The following PKD2L2 variants were observed in gnomAD, a reference collection of about 807,000 sequenced individuals.
The protein encoded by PKD2L2 is polycystin 2 like 2, transient receptor potential cation channel.
PKD2L2 carries 67 observed loss-of-function variants against 83.9 expected under a neutral mutation model. That is an observed-to-expected ratio of 0.80 (90% CI 0.66 to 0.98). The LOEUF (loss-of-function observed/expected upper bound fraction) is 0.98. Ranked by LOEUF, PKD2L2 falls within the 50% of genes least tolerant of loss-of-function variation. The pLI is 0.00. For synonymous variants in PKD2L2, 223 were observed against 237.8 expected (o/e 0.94, Z 0.57); for missense variants, 632 against 717.2 (o/e 0.88, Z 1.36).
rs982480498 is a variant in PKD2L2 at position 137,937,311 on chromosome 5, C to T, written c.*17+884C>T. Among the ~76,000 whole-genome samples, 3 of 152,280 alleles carry T rather than the reference C, an allele frequency of 2.0e-5. No individual in the cohort carries two copies. The East Asian group carries it at 5.8e-4, about 29-fold the overall frequency. ...CTTCAAACTGGAAATTTACCTAGAC[C>T]ATTTCTAAGGTGTAATGCATTTAAG... On this transcript the variant is annotated intron_variant, in intron 14 of 14. Transcript: ENST00000508883.
chr5:137,913,818 G>A (rs905652979), intron 8 of PKD2L2, among the ~76,000 whole-genome samples: 2 of 150,948 alleles, frequency 1.3e-5, no homozygotes, highest in African/African-American at 4.9e-5. Context: ...AAGTAACTGG[G>A]ATTAAAGGCG....
At chr5:137,926,029 C>G (rs1414132202) in intron 12 of PKD2L2, 100 bp downstream of exon 12, 2 of 636,380 alleles carry the variant, frequency 3.1e-6, no homozygotes, top group Non-Finnish European at 2.8e-6. Context: ...TGCTGTTTTT[C>G]AGAATAGTAA....
At position 137,918,513 on chromosome 5, in the gene PKD2L2, C is replaced by T. The variant is rs1202347822; in HGVS notation, c.1329-3123C>T. Among the ~76,000 whole-genome samples, 3 of 152,300 alleles carry T rather than the reference C, an allele frequency of 2.0e-5. No homozygotes were observed. The East Asian group carries it at 5.8e-4, about 29-fold the overall frequency. Reference sequence around the variant, plus strand: ...GATCAGAAGCAGCAATCAGCAATCACCACATAGATCCCCAATATTTGAAAG... The same window carrying T: ...GATCAGAAGCAGCAATCAGCAATCATCACATAGATCCCCAATATTTGAAAG... On this transcript the variant is annotated intron_variant, in intron 8 of 14. Transcript: ENST00000508883.
At chr5:137,940,253 C>T (rs770467626) in intron 14 of PKD2L2, 1 of 1,613,896 alleles carries the variant, frequency 6.2e-7, no homozygotes, top group Non-Finnish European at 8.5e-7. Context: ...ATCTTGTTTG[C>T]TTATAAGAAC....
Position 137,899,534 on chromosome 5 carries a change from T to C in PKD2L2, c.543T>C (p.Ser181=). The C allele has an allele frequency of 6.2e-7, 1 of 1,602,964 alleles. No homozygotes were observed. Among genetic ancestry groups the C allele is most frequent in the Non-Finnish European group, 8.5e-7 (1 of 1,169,970 alleles). ...GTAACAGATGGAGATATTCTACTTC[T>C]AATACCAACTCCCCTTGGCACTGGG... is the stretch of plus-strand genomic sequence containing the variant. ...QINTEWRYST[S]NTNSPWHWGF... is the part of the protein sequence containing the mutation. The change falls in exon 5 of 15, where the codon TCT becomes TCC. Residue 181 remains serine (S), a synonymous_variant. Coordinates refer to ENST00000508883, the MANE Select transcript of PKD2L2 (RefSeq NM_001300921.2).
rs377038318 is a variant in PKD2L2, at chr5:137,941,981, G to A, written c.*18-403G>A. ...TGATAAAATGCTTCTTCAAATTCCC[G>A]CAACGTTTTGCGTAGTTTCTTTTTT... On this transcript the variant is annotated intron_variant, in intron 14 of 14. Transcript: ENST00000508883. The A allele has an allele frequency of 3.1e-6, 5 of 1,613,898 alleles. No homozygotes were observed. The African/African-American group carries it at 4.0e-5, about 13-fold the overall frequency.
chr5:137,927,108 T>C (rs1245713068), intron 12 of PKD2L2, among the ~76,000 whole-genome samples: 2 of 152,192 alleles, frequency 1.3e-5, no homozygotes, highest in African/African-American at 4.8e-5. Flanking sequence ...ACCCATTGAA[T>C]AAAAGGATTC....
chr5:137,913,910 C>G (rs1319765486), intron 8 of PKD2L2, among the ~76,000 whole-genome samples: 1 of 147,690 alleles, frequency 6.8e-6, no homozygotes, highest in Admixed American at 6.8e-5. Context: ...CTCTGTCACT[C>G]AGGCTGGAGT....
chr5:137,940,945 G>T (rs972223683), intron 14 of PKD2L2, among the ~76,000 whole-genome samples: 1 of 151,998 alleles, frequency 6.6e-6, no homozygotes, highest in African/African-American at 2.4e-5. Flanking sequence ...TTGCTCTGTC[G>T]CCCAGGCTGG....
intron 5 of PKD2L2, among the ~76,000 whole-genome samples, chr5:137,904,537 A>G (rs1027049711): frequency 7.9e-5 from 12 of 152,202 alleles, no homozygotes; most frequent in Admixed American, 2.0e-4. Context: ...CAAATACTGC[A>G]TGTTCTCATA....
intron 12 of PKD2L2, among the ~76,000 whole-genome samples, chr5:137,935,590 C>A (rs1760261816): frequency 6.6e-6 from 1 of 152,190 alleles, no homozygotes; most frequent in South Asian, 2.1e-4. Flanking sequence ...CTATGCTAGA[C>A]AGCAATTACA....
chr5:137,928,566 G>A (rs1759575163), intron 12 of PKD2L2, among the ~76,000 whole-genome samples: 1 of 152,100 alleles, frequency 6.6e-6, no homozygotes, highest in Admixed American at 6.5e-5. Context: ...CAAGTAGCTG[G>A]GACTACAGGC....
chr5:137,904,937 C>T (rs1164457541), intron 5 of PKD2L2, among the ~76,000 whole-genome samples: 1 of 152,096 alleles, frequency 6.6e-6, no homozygotes, highest in African/African-American at 2.4e-5. Context: ...AAATAAACTG[C>T]CTTAAGCAGC....
In PKD2L2 at chr5:137,925,108, A is replaced by T. The variant is rs1458411014; in HGVS notation, c.1616+4A>T. 6.4e-7 allele frequency: 1 copy of T among 1,560,242 alleles called. No homozygotes were observed. The highest frequency in any genetic ancestry group is 1.4e-5 in the African/African-American group (1 of 73,872). On this transcript the variant is annotated splice_donor_region_variant and intron_variant, in intron 11 of 14. Coordinates refer to ENST00000508883, the MANE Select transcript of PKD2L2 (RefSeq NM_001300921.2). Reference sequence around the variant, plus strand: ...AAAAAGATGAAGACAAGAAAACGTAAGATGACTTCTCTCAAATGTTTAACT... The same window carrying T: ...AAAAAGATGAAGACAAGAAAACGTATGATGACTTCTCTCAAATGTTTAACT...
chr5:137,922,765 A>G (rs187106865), intron 9 of PKD2L2, among the ~76,000 whole-genome samples: 1 of 152,226 alleles, frequency 6.6e-6, no homozygotes, highest in Admixed American at 6.5e-5. Flanking sequence ...TGCCCTTATG[A>G]ACACATAATT....
intron 12 of PKD2L2, among the ~76,000 whole-genome samples, chr5:137,930,837 C>CA (rs954695919): frequency 4.0e-5 from 6 of 149,878 alleles, no homozygotes; most frequent in Admixed American, 6.6e-5. Context: ...TTAGAATTTT[C>CA]AAAAAAATGA....
At chr5:137,923,551 TC>T (rs747518032) in intron 10 of PKD2L2, 30 bp downstream of exon 10, 1 of 1,011,334 alleles carries the variant, frequency 9.9e-7, no homozygotes, top group South Asian at 1.3e-5. Context: ...TAATTAGAAT[TC>T]TAAGACAAAC....
chr5:137,942,270 A>AT (rs1177483026), intron 14 of PKD2L2, 114 bp from the exon 15 acceptor site: 1 of 537,088 alleles, frequency 1.9e-6, no homozygotes, highest in Non-Finnish European at 3.3e-6. Context: ...GACATACACC[A>AT]TATCATCCAA....
At chr5:137,935,755 G>C (rs768860577) in intron 12 of PKD2L2, 42 bp from the exon 13 acceptor site, 5 of 1,010,322 alleles carry the variant, frequency 4.9e-6, no homozygotes, top group Non-Finnish European at 7.8e-6. Flanking sequence ...TTGAAATAGA[G>C]AACTAAAGAT....
Sources: allele counts gnomAD v4.1 joint callset (sites outside exome capture counted in the v4.1 genomes callset), GRCh38; gene constraint gnomAD v4.1.1; transcripts MANE v1.5; gene names NCBI Gene and HGNC (gene_info 2026-07-23, HGNC 2026-07-21).